Variants in UROC1 observed in about 807,000 individuals in gnomAD.
UROC1 encodes the protein urocanate hydratase.
UROC1 carries 79 observed loss-of-function variants against 89.5 expected under a neutral mutation model. The ratio of observed to expected loss-of-function variants is 0.88; its 90% confidence interval spans 0.74 to 1.06. The LOEUF (loss-of-function observed/expected upper bound fraction) is 1.06. Ranked by LOEUF, UROC1 falls within the 50% of genes least tolerant of loss-of-function variation. The pLI, the probability that UROC1 is intolerant of heterozygous loss-of-function variation, is 0.00. For missense variants in UROC1, 885 were observed against 907.8 expected, an observed-to-expected ratio of 0.97 and a Z score of 0.32; for synonymous variants, 361 against 354.8, an observed-to-expected ratio of 1.02 and a Z score of -0.20.
In UROC1 at chr3:126,501,403, A is replaced by G. The variant is rs540829064; in HGVS notation, c.903-123T>C. 8 of 1,168,794 alleles carry G rather than the reference A, an allele frequency of 6.8e-6. No individual in the cohort carries two copies. In the South Asian group the frequency reaches 9.9e-5, roughly 15 times the overall value. The allele number at this position is 1,168,794 out of a possible 1,614,324, so 72.4% of individuals were successfully genotyped here. A position where few individuals can be genotyped will look rare whatever the true frequency, so the allele number is the denominator to read the frequency against. ...AGGCCACCAGAGGTGTTGTGTGCAA[A>G]CGTGGGGGCCATGGGGCTGGGCCAT... On this transcript the variant is annotated intron_variant, in intron 9 of 19. Transcript: ENST00000290868.
intron 1 of UROC1, among the ~76,000 whole-genome samples, chr3:126,512,235 C>A (rs1936211771): frequency 6.6e-6 from 1 of 152,188 alleles, no homozygotes. Context: ...GTGCCTCCAC[C>A]CACCCTGGCA....
chr3:126,484,273 G>A (rs768846590), intron 18 of UROC1, among the ~76,000 whole-genome samples: 2 of 152,180 alleles, frequency 1.3e-5, no homozygotes, highest in Non-Finnish European at 1.5e-5. Context: ...GTGCACTGGA[G>A]CTGTTCCCCA....
At chr3:126,517,470 C>G (rs1936354049) in intron 1 of UROC1, 124 bp downstream of exon 1, 2 of 1,477,450 alleles carry the variant, frequency 1.4e-6, no homozygotes, top group Non-Finnish European at 1.9e-6. Context: ...GCTGGAGCCC[C>G]TGGAGTCCAG....
At chr3:126,505,212 C>A (rs1251177469) in intron 8 of UROC1, among the ~76,000 whole-genome samples, 1 of 152,132 alleles carries the variant, frequency 6.6e-6, no homozygotes, top group Non-Finnish European at 1.5e-5. Flanking sequence ...TATAAATTAG[C>A]CTCAGGTGTT....
chr3:126,489,715 C>T (rs1380476031), intron 16 of UROC1, among the ~76,000 whole-genome samples: 4 of 152,202 alleles, frequency 2.6e-5, no homozygotes, highest in African/African-American at 4.8e-5. Flanking sequence ...GAGTCGTGAG[C>T]TGGGGTTTAA....
chr3:126,507,355 TAA>T (rs10709518), intron 6 of UROC1, among the ~76,000 whole-genome samples: 2,906 of 141,084 alleles, frequency 0.021, 64 homozygotes, highest in African/African-American at 0.045. Context: ...GTGAGATGCA[TAA>T]AAAAAAAAAA....
At chr3:126,508,620 T>G (rs912943804) in intron 3 of UROC1, 145 bp from the exon 4 acceptor site, 1 of 671,216 alleles carries the variant, frequency 1.5e-6, no homozygotes, top group African/African-American at 1.8e-5. Flanking sequence ...GACGGACACA[T>G]CTGCAAGAAC....
intron 3 of UROC1, among the ~76,000 whole-genome samples, chr3:126,508,878 T>A (rs930353926): frequency 6.6e-6 from 1 of 152,150 alleles, no homozygotes; most frequent in Admixed American, 6.5e-5. Context: ...TATGGGCAGC[T>A]GCTCTATAGA....
chr3:126,492,396 C>A, intron 16 of UROC1, 22 bp downstream of exon 16: 1 of 1,609,004 alleles, frequency 6.2e-7, no homozygotes, highest in Non-Finnish European at 8.5e-7. Context: ...GGATGCTTCC[C>A]CCAGAGCACA....
Position 126,517,643 on chromosome 3 carries a change from A to C in UROC1, c.77T>G (p.Val26Gly), listed in dbSNP as rs1576737603. 1 of 1,610,924 alleles carries C rather than the reference A, an allele frequency of 6.2e-7. No homozygotes were observed. Among genetic ancestry groups the C allele is most frequent in the Non-Finnish European group, 8.5e-7 (1 of 1,179,254 alleles). Residue 26 changes from valine (V) to glycine (G), a missense_variant, in exon 1 of 20, where the codon GTG (valine) becomes GGG (glycine). Transcript: ENST00000290868. ...GGGGGTCCTGACAGGGGCATGGGGC[A>C]CCCCAGCCTGGCGTCCCCGGTTCTC... ...LPENRGRQAG[V>G]PHAPVRTPSL...
intron 6 of UROC1, 58 bp from the exon 7 acceptor site, chr3:126,506,069 C>T (rs1336002144): frequency 6.3e-7 from 1 of 1,596,960 alleles, no homozygotes; most frequent in Non-Finnish European, 8.6e-7. Context: ...CCCAGGTCCT[C>T]CCAGCCACTC....
chr3:126,483,429 G>A lies in UROC1; in HGVS notation c.1830C>T (p.Asp610=), dbSNP rs545914298. 203 of 1,613,768 alleles carry A rather than the reference G, an allele frequency of 1.3e-4. 1 individual carries two copies. The highest frequency in any genetic ancestry group is 5.7e-4 in the South Asian group (52 of 91,086). ...VINGGFGLVL[D]GTPEAEGRAR... ...CTCTCCCCTCGGCCTCCGGGGTACCGTCCAGCACGAGGCCGAATCCCCCGT... is the reference window on the plus strand; with the variant it reads ...CTCTCCCCTCGGCCTCCGGGGTACCATCCAGCACGAGGCCGAATCCCCCGT... Residue 610 remains aspartate (D), a synonymous_variant, in exon 19 of 20, where the codon GAC becomes GAT. Coordinates refer to ENST00000290868, the MANE Select transcript of UROC1 (RefSeq NM_144639.3).
chr3:126,489,179 AGAACATCTTTC>A, intron 17 of UROC1, 86 bp downstream of exon 17: 1 of 1,227,404 alleles, frequency 8.1e-7, no homozygotes, highest in Non-Finnish European at 1.2e-6. Flanking sequence ...CTCAGGTGCC[AGAACATCTTTC>A]GAAACATTGT....
chr3:126,484,278 T>C (rs1560114180), intron 18 of UROC1, among the ~76,000 whole-genome samples: 1 of 152,174 alleles, frequency 6.6e-6, no homozygotes. Context: ...CTGGAGCTGT[T>C]CCCCATCAGC....
chr3:126,514,611 C>T (rs1034010916), intron 1 of UROC1, among the ~76,000 whole-genome samples: 3 of 151,978 alleles, frequency 2.0e-5, no homozygotes, highest in Admixed American at 2.0e-4. Context: ...TCTAAATGCA[C>T]CACGAAGGAA....
intron 3 of UROC1, among the ~76,000 whole-genome samples, chr3:126,509,199 A>G (rs910288618): frequency 2.6e-5 from 4 of 151,074 alleles, no homozygotes; most frequent in Non-Finnish European, 5.9e-5. Context: ...TCAAGCCACT[A>G]TACTCCAGCC....
intron 11 of UROC1, 105 bp from the exon 12 acceptor site, chr3:126,500,259 A>G (rs1286493833): frequency 6.6e-6 from 7 of 1,059,258 alleles, no homozygotes; most frequent in Non-Finnish European, 9.9e-6. Context: ...TTCCAGCCCC[A>G]CTGCCTGGAC....
chr3:126,509,639 C>G lies in UROC1; in HGVS notation c.297G>C (p.Val99=). The change falls in exon 3 of 20, where the codon GTG becomes GTC. Residue 99 remains valine, a synonymous_variant. Coordinates refer to ENST00000290868, the MANE Select transcript of UROC1 (RefSeq NM_144639.3). ...PIEQYPCQTK[V]AAAIMHMIMN... ...TAATCATGTGCATGATGGCGGCAGC[C>G]ACTTTCGTCTGGCAGGGGTACTGCT... 2 of 1,552,278 alleles carry G rather than the reference C, an allele frequency of 1.3e-6. No individual in the cohort carries two copies. The highest frequency in any genetic ancestry group is 1.7e-6 in the Non-Finnish European group (2 of 1,147,264).
At chr3:126,495,720 C>G (rs1935760318) in intron 15 of UROC1, among the ~76,000 whole-genome samples, 1 of 152,196 alleles carries the variant, frequency 6.6e-6, no homozygotes, top group Non-Finnish European at 1.5e-5. Flanking sequence ...TTTGCAGAAG[C>G]TTCCTCCTGA....
Sources: allele counts gnomAD v4.1 joint callset (sites outside exome capture counted in the v4.1 genomes callset), GRCh38; gene constraint gnomAD v4.1.1; transcripts MANE v1.5; gene names NCBI Gene and HGNC (gene_info 2026-07-23, HGNC 2026-07-21).